Variants in FSTL4 observed in about 807,000 individuals in gnomAD.
The protein encoded by FSTL4 is follistatin-related protein 4.
A neutral mutation model predicts 78.2 loss-of-function variants in FSTL4; 28 were observed. The observed-to-expected ratio is 0.36, with a 90% CI of 0.27 to 0.49. FSTL4 has a LOEUF of 0.49. Among genes scored for constraint, FSTL4 ranks in the 20% least tolerant of loss-of-function variants. FSTL4 has a pLI of 0.98. For synonymous variants in FSTL4, 422 were observed against 440.5 expected, an observed-to-expected ratio of 0.96 and a Z score of 0.53; for missense variants, 922 against 1,084.9, an observed-to-expected ratio of 0.85 and a Z score of 2.11.
At chr5:133,560,038 C>A (rs77250170) in intron 3 of FSTL4, among the ~76,000 whole-genome samples, 2,555 of 152,310 alleles carry the variant, frequency 0.017, 72 homozygotes, top group African/African-American at 0.057. Context: ...TTTCAGTGCC[C>A]ACTCTGTGTC....
At chr5:133,779,402 C>T in the FSTL4 span, among the ~76,000 whole-genome samples, 84 of 152,136 alleles carry the variant, frequency 5.5e-4, 1 homozygote, top group Non-Finnish European at 8.7e-4. Context: ...CTGGCTAACA[C>T]GGTGAAACCC....
At chr5:133,511,307 C>A (rs1758726699) in intron 3 of FSTL4, among the ~76,000 whole-genome samples, 1 of 152,212 alleles carries the variant, frequency 6.6e-6, no homozygotes, top group African/African-American at 2.4e-5. Context: ...TTCTTTCCAG[C>A]CAGACCTTAA....
intron 6 of FSTL4, chr5:133,266,500 G>C (rs766873737): frequency 1.3e-5 from 2 of 152,312 alleles, no homozygotes; most frequent in Non-Finnish European, 2.9e-5. Flanking sequence ...CCCTTCCCCA[G>C]GGCTGCCGTC....
the FSTL4 span, among the ~76,000 whole-genome samples, chr5:133,736,758 G>A: frequency 6.6e-6 from 1 of 152,180 alleles, no homozygotes; most frequent in African/African-American, 2.4e-5. Flanking sequence ...ATTGCAGCCT[G>A]CTGGTGTCCA....
intron 6 of FSTL4, among the ~76,000 whole-genome samples, chr5:133,278,303 T>C (rs1005138862): frequency 6.6e-6 from 1 of 152,202 alleles, no homozygotes; most frequent in Non-Finnish European, 1.5e-5. Context: ...AGGGGTCTTG[T>C]GAAGCCCTGT....
intron 3 of FSTL4, among the ~76,000 whole-genome samples, chr5:133,464,599 G>C (rs1043654585): frequency 6.6e-6 from 1 of 152,188 alleles, no homozygotes; most frequent in Non-Finnish European, 1.5e-5. Flanking sequence ...CCAGCACTGA[G>C]CTCATACTCC....
intron 3 of FSTL4, among the ~76,000 whole-genome samples, chr5:133,405,201 C>T (rs1364889201): frequency 1.3e-5 from 2 of 152,234 alleles, no homozygotes; most frequent in Non-Finnish European, 2.9e-5. Flanking sequence ...TCCACAACCT[C>T]ACCCCAACTC....
chr5:133,534,543 C>A (rs941107950), intron 3 of FSTL4, among the ~76,000 whole-genome samples: 19 of 152,256 alleles, frequency 1.2e-4, no homozygotes, highest in African/African-American at 4.3e-4. Context: ...CCCATGATGA[C>A]TATTATTGTG....
At chr5:133,785,006 G>A in the FSTL4 span, among the ~76,000 whole-genome samples, 2 of 152,152 alleles carry the variant, frequency 1.3e-5, no homozygotes, top group Non-Finnish European at 2.9e-5. Flanking sequence ...AAGGGAATAA[G>A]GCCATAAGGA....
chr5:133,507,671 C>T (rs899689148), intron 3 of FSTL4, among the ~76,000 whole-genome samples: 14 of 151,584 alleles, frequency 9.2e-5, no homozygotes, highest in African/African-American at 2.2e-4. Flanking sequence ...TACAGGCGCC[C>T]GACACCATGC....
the FSTL4 span, among the ~76,000 whole-genome samples, chr5:133,794,314 G>A: frequency 2.0e-4 from 31 of 152,302 alleles, no homozygotes; most frequent in Non-Finnish European, 4.4e-4. Context: ...TACAGACAGC[G>A]ATGCAGACAT....
chr5:133,326,490 G>A (rs1754215692), intron 4 of FSTL4, among the ~76,000 whole-genome samples: 1 of 152,196 alleles, frequency 6.6e-6, no homozygotes, highest in African/African-American at 2.4e-5. Context: ...CCCTGTGGCG[G>A]TGTTTATGCC....
Position 133,199,019 on chromosome 5 carries a change from G to T in FSTL4, c.*76C>A, listed in dbSNP as rs916176126. The T allele has an allele frequency of 2.2e-6, 2 of 918,748 alleles. No homozygotes were observed. The highest frequency in any genetic ancestry group is 3.2e-6 in the Non-Finnish European group (2 of 620,222). The allele number at this position is 918,748 out of a possible 1,614,324, so 56.9% of individuals were successfully genotyped here. On this transcript the variant is annotated 3_prime_UTR_variant, in exon 16 of 16. Coordinates refer to ENST00000265342, the MANE Select transcript of FSTL4 (RefSeq NM_015082.2). The surrounding 1 kb of genome is among the most constrained non-coding windows in gnomAD (Gnocchi z 4.4). Reference sequence around the variant, plus strand: ...GGTTTTTGCTTTTGTCTGTAAAAATGTACAGCGTACCTGCTTGAGGCTGCA... The same window carrying T: ...GGTTTTTGCTTTTGTCTGTAAAAATTTACAGCGTACCTGCTTGAGGCTGCA...
At chr5:133,220,507 C>T (rs565427455) in intron 12 of FSTL4, among the ~76,000 whole-genome samples, 2 of 152,276 alleles carry the variant, frequency 1.3e-5, no homozygotes, top group Non-Finnish European at 2.9e-5. Context: ...GGCCAGAAAC[C>T]CATTTGTACC....
At chr5:133,815,840 T>C in the FSTL4 span, among the ~76,000 whole-genome samples, 2 of 152,132 alleles carry the variant, frequency 1.3e-5, no homozygotes, top group South Asian at 2.1e-4. Flanking sequence ...TTGATACAAG[T>C]ACCCAGAATT....
chr5:133,618,488 A>G, the FSTL4 span, among the ~76,000 whole-genome samples: 1 of 152,218 alleles, frequency 6.6e-6, no homozygotes, highest in Non-Finnish European at 1.5e-5. Flanking sequence ...TGCAAGAGTG[A>G]AAGCAGGAAA....
At chr5:133,818,965 ACG>A in the FSTL4 span, among the ~76,000 whole-genome samples, 110 of 123,600 alleles carry the variant, frequency 8.9e-4, 1 homozygote, top group African/African-American at 2.8e-3. Flanking sequence ...ACACACACGT[ACG>A]CATGCACACA....
At chr5:133,403,822 G>A (rs944711791) in intron 3 of FSTL4, among the ~76,000 whole-genome samples, 4 of 152,208 alleles carry the variant, frequency 2.6e-5, no homozygotes, top group Non-Finnish European at 5.9e-5. Context: ...CAGTTCATGG[G>A]GGGCTGGGGG....
At chr5:133,312,517 GAACA>G (rs1484848099) in intron 6 of FSTL4, 133 bp downstream of exon 6, 9 of 731,252 alleles carry the variant, frequency 1.2e-5, no homozygotes, top group Admixed American at 4.7e-5. Flanking sequence ...GCTTGTTGCA[GAACA>G]AATTCACCAG....
Sources: allele counts gnomAD v4.1 joint callset (sites outside exome capture counted in the v4.1 genomes callset), GRCh38; gene constraint gnomAD v4.1.1; non-coding constraint Gnocchi (gnomAD v3.1); transcripts MANE v1.5; gene names NCBI Gene and HGNC (gene_info 2026-07-23, HGNC 2026-07-21).